DLGAP1: variants seen among roughly 807,000 people sequenced by gnomAD.
The protein encoded by DLGAP1 is DLG associated protein 1, also known as disks large-associated protein 1.
In DLGAP1, 11 loss-of-function variants were observed where a neutral mutation model predicts 90.8. The ratio of observed to expected loss-of-function variants is 0.12; its 90% CI spans 0.08 to 0.20. DLGAP1 has a LOEUF of 0.20. DLGAP1 is among the 10% of genes least tolerant of loss of function. DLGAP1 has a pLI of 1.00. For synonymous variants in DLGAP1, 558 were observed against 540.7 expected (o/e 1.03, Z -0.44); for missense variants, 1,050 against 1,333.8 (o/e 0.79, Z 3.31).
intron 1 of DLGAP1, among the ~76,000 whole-genome samples, chr18:4,385,230 C>A (rs2082206437): frequency 6.6e-6 from 1 of 152,094 alleles, no homozygotes; most frequent in Non-Finnish European, 1.5e-5. Context: ...CATATACATA[C>A]TCTCCGATGA....
At chr18:3,930,513 G>T (rs141418843) in intron 3 of DLGAP1, among the ~76,000 whole-genome samples, 44 of 152,080 alleles carry the variant, frequency 2.9e-4, no homozygotes, top group Non-Finnish European at 3.7e-4. Flanking sequence ...GAGATTGTGC[G>T]GATCTGAGCG....
rs570263084 is a variant in DLGAP1, at chr18:3,872,418, G to GA, written c.957+6693dup. Among the ~76,000 whole-genome samples, 180 of 151,360 alleles carry GA rather than the reference G, an allele frequency of 1.2e-3. 1 individual carries two copies. The highest frequency in any genetic ancestry group is 4.1e-3 in the African/African-American group (169 of 41,286). On this transcript the variant is annotated intron_variant, in intron 4 of 12. Transcript: ENST00000315677. Reference sequence around the variant, plus strand: ...GTTGAATATAAGTAAATCAGTCACTGAAAAAAAATTAATGCAATTACCTAT... The same window carrying GA: ...GTTGAATATAAGTAAATCAGTCACTGAAAAAAAAATTAATGCAATTACCTAT...
chr18:4,071,346 ATAT>A (rs1323616804), intron 2 of DLGAP1, among the ~76,000 whole-genome samples: 1 of 152,180 alleles, frequency 6.6e-6, no homozygotes, highest in Non-Finnish European at 1.5e-5. Flanking sequence ...GGAAAATTAA[ATAT>A]TAATATAACC....
chr18:3,917,187 T>C (rs1171559876), intron 3 of DLGAP1, among the ~76,000 whole-genome samples: 1 of 152,226 alleles, frequency 6.6e-6, no homozygotes, highest in Non-Finnish European at 1.5e-5. Context: ...AAATGCATTT[T>C]TGAATTAATG....
At chr18:4,057,891 T>C (rs2143223951) in intron 2 of DLGAP1, among the ~76,000 whole-genome samples, 1 of 152,300 alleles carries the variant, frequency 6.6e-6, no homozygotes, top group East Asian at 1.9e-4. Flanking sequence ...CCTTTCACTA[T>C]TGTGCTTACT....
intron 3 of DLGAP1, among the ~76,000 whole-genome samples, chr18:3,999,241 T>G (rs1278195866): frequency 2.0e-5 from 3 of 152,100 alleles, no homozygotes; most frequent in Admixed American, 6.6e-5. Context: ...ATTAGATAAT[T>G]GGTAGCATAC....
intron 3 of DLGAP1, among the ~76,000 whole-genome samples, chr18:3,993,975 T>A (rs540541308): frequency 1.3e-5 from 2 of 152,234 alleles, no homozygotes; most frequent in Non-Finnish European, 2.9e-5. Flanking sequence ...CACTGTTGTT[T>A]TCCTTTTGGT....
At chr18:3,782,215 T>C (rs150886681) in intron 5 of DLGAP1, among the ~76,000 whole-genome samples, 153 of 151,960 alleles carry the variant, frequency 1.0e-3, no homozygotes, top group African/African-American at 3.5e-3. Flanking sequence ...CGGCTCACTG[T>C]GACCTCCGCC....
At chr18:4,078,291 T>G (rs772667104) in intron 2 of DLGAP1, among the ~76,000 whole-genome samples, 1 of 152,140 alleles carries the variant, frequency 6.6e-6, no homozygotes, top group Non-Finnish European at 1.5e-5. Flanking sequence ...CAGGACCACA[T>G]TGGAACAGCC....
intron 6 of DLGAP1, among the ~76,000 whole-genome samples, chr18:3,741,846 TC>T (rs1336427787): frequency 1.5e-4 from 20 of 136,712 alleles, no homozygotes; most frequent in African/African-American, 4.0e-4. Context: ...TTTTTCTTTT[TC>T]TTTTTTTTTA....
chr18:4,374,705 C>T lies in DLGAP1; in HGVS notation c.-267+80301G>A, dbSNP rs550853158. On this transcript the variant is annotated intron_variant, in intron 1 of 12. Coordinates refer to ENST00000315677, the MANE Select transcript of DLGAP1 (RefSeq NM_004746.4). ...GGTAAATGTTAAGAAATACAATTTGCCAGTAAAATACCAATACAATTTACC... is the reference window on the plus strand; with the variant it reads ...GGTAAATGTTAAGAAATACAATTTGTCAGTAAAATACCAATACAATTTACC... Among the ~76,000 whole-genome samples, 3 of 152,062 alleles carry T rather than the reference C, an allele frequency of 2.0e-5. No individual in the cohort carries two copies. The South Asian group carries it at 6.2e-4, about 32-fold the overall frequency.
intron 1 of DLGAP1, among the ~76,000 whole-genome samples, chr18:4,307,231 T>C (rs2080283887): frequency 6.6e-6 from 1 of 152,140 alleles, no homozygotes; most frequent in Non-Finnish European, 1.5e-5. Flanking sequence ...GAATTGAAAG[T>C]CTTAGCATTG....
intron 2 of DLGAP1, among the ~76,000 whole-genome samples, chr18:4,080,483 T>C (rs2075589615): frequency 6.6e-6 from 1 of 151,024 alleles, no homozygotes; most frequent in Non-Finnish European, 1.5e-5. Context: ...AACATGATAA[T>C]AGCTGCAAAG....
At chr18:3,824,454 C>T (rs1337818797) in intron 4 of DLGAP1, among the ~76,000 whole-genome samples, 2 of 152,094 alleles carry the variant, frequency 1.3e-5, no homozygotes, top group Admixed American at 6.5e-5. Flanking sequence ...TTCCTTAGGA[C>T]ACAAAATCTG....
At chr18:3,937,442 T>A (rs986531704) in intron 3 of DLGAP1, among the ~76,000 whole-genome samples, 1 of 152,142 alleles carries the variant, frequency 6.6e-6, no homozygotes, top group African/African-American at 2.4e-5. Flanking sequence ...ACTTGTTCAC[T>A]ACCATGAGAA....
chr18:3,807,272 T>C (rs1001073379), intron 5 of DLGAP1, among the ~76,000 whole-genome samples: 1 of 152,214 alleles, frequency 6.6e-6, no homozygotes, highest in Non-Finnish European at 1.5e-5. Flanking sequence ...CCACACCCAG[T>C]TGATCTTCCT....
In DLGAP1 at chr18:3,950,927, T is replaced by C. The variant is rs538375356; in HGVS notation, c.-73+54189A>G. 1.8e-4 allele frequency among the ~76,000 whole-genome samples: 27 copies of C among 152,312 alleles called. 1 individual carries two copies. The South Asian group carries it at 5.2e-3, about 29-fold the overall frequency. On this transcript the variant is annotated intron_variant, in intron 3 of 12. Coordinates refer to ENST00000315677, the MANE Select transcript of DLGAP1 (RefSeq NM_004746.4). ...AACTATACGGGCTGACAGTTATCTA[T>C]GGTCAAGGAATGACAAGACTGGAGG...
chr18:3,585,358 C>A (rs557630021), intron 7 of DLGAP1, among the ~76,000 whole-genome samples: 58 of 152,282 alleles, frequency 3.8e-4, no homozygotes, highest in African/African-American at 1.2e-3. Flanking sequence ...CTGGGAGTAA[C>A]GCTCATCTCA....
intron 1 of DLGAP1, among the ~76,000 whole-genome samples, chr18:4,250,500 C>T (rs1386989333): frequency 6.6e-6 from 1 of 152,172 alleles, no homozygotes; most frequent in Non-Finnish European, 1.5e-5. Flanking sequence ...TTTTATACCT[C>T]GTGTTTCATT....
Sources: gnomAD v4.1 joint callset for allele counts (sites outside exome capture counted in the v4.1 genomes callset) on GRCh38, gnomAD v4.1.1 for gene constraint, MANE v1.5 for transcripts, NCBI Gene and HGNC (gene_info 2026-07-23, HGNC 2026-07-21) for gene names.